TNIK: variants seen among roughly 807,000 people sequenced by gnomAD.
TNIK encodes the protein TRAF2 and NCK-interacting protein kinase.
In TNIK, 49 loss-of-function variants were observed where a neutral mutation model predicts 191.3. The observed-to-expected ratio is 0.26, with a 90% CI of 0.20 to 0.32. The LOEUF (loss-of-function observed/expected upper bound fraction) is 0.32. Among genes scored for constraint, TNIK ranks in the 10% least tolerant of loss-of-function variants. The pLI is 1.00. For synonymous variants in TNIK, 594 were observed against 600.9 expected, an observed-to-expected ratio of 0.99 and a Z score of 0.17; for missense variants, 1,155 against 1,702.3, an observed-to-expected ratio of 0.68 and a Z score of 5.66.
intron 18 of TNIK, among the ~76,000 whole-genome samples, chr3:171,116,611 A>C (rs1052895022): frequency 6.6e-6 from 1 of 152,252 alleles, no homozygotes; most frequent in East Asian, 1.9e-4. Flanking sequence ...ACAGCCAATG[A>C]GAAGAAATGA....
chr3:171,383,365 G>A (rs1718317200), intron 1 of TNIK, among the ~76,000 whole-genome samples: 2 of 152,166 alleles, frequency 1.3e-5, no homozygotes, highest in Non-Finnish European at 2.9e-5. Flanking sequence ...CTCAAAACCT[G>A]CTTTTTGAGC....
intron 18 of TNIK, among the ~76,000 whole-genome samples, chr3:171,120,024 G>A (rs1727416381): frequency 6.6e-6 from 1 of 152,176 alleles, no homozygotes; most frequent in Admixed American, 6.5e-5. Context: ...ATAATAGGGA[G>A]TTATTTGGGG....
intron 1 of TNIK, among the ~76,000 whole-genome samples, chr3:171,408,264 T>TC (rs1362886304): frequency 2.6e-5 from 4 of 152,242 alleles, no homozygotes; most frequent in South Asian, 2.1e-4. Context: ...GGCTTTTTTT[T>TC]CCCCCGCTCA....
intron 7 of TNIK, among the ~76,000 whole-genome samples, chr3:171,187,436 G>C (rs1329745376): frequency 6.6e-6 from 1 of 152,130 alleles, no homozygotes; most frequent in Non-Finnish European, 1.5e-5. Flanking sequence ...CTTCAAGCTT[G>C]CAATTCCCAA....
intron 2 of TNIK, among the ~76,000 whole-genome samples, chr3:171,247,197 C>T (rs994389367): frequency 6.6e-6 from 1 of 152,220 alleles, no homozygotes; most frequent in Non-Finnish European, 1.5e-5. Context: ...TCACCATCTT[C>T]CCCACTCCTT....
intron 2 of TNIK, among the ~76,000 whole-genome samples, chr3:171,332,132 TCTAA>T (rs781538728): frequency 8.5e-5 from 13 of 152,222 alleles, no homozygotes; most frequent in South Asian, 2.1e-4. Context: ...CATACCTATA[TCTAA>T]CTGTGTGTAT....
chr3:171,307,872 G>C (rs1405408510), intron 2 of TNIK, among the ~76,000 whole-genome samples: 1 of 152,066 alleles, frequency 6.6e-6, no homozygotes, highest in African/African-American at 2.4e-5. Flanking sequence ...ATTGTACAGT[G>C]AAATTTTCCA....
chr3:171,214,859 C>T (rs971434030), intron 3 of TNIK, among the ~76,000 whole-genome samples: 1 of 152,032 alleles, frequency 6.6e-6, no homozygotes, highest in African/African-American at 2.4e-5. Context: ...TGATTAAGTG[C>T]TTATTTAAAT....
At chr3:171,275,749 T>A (rs1459036447) in intron 2 of TNIK, among the ~76,000 whole-genome samples, 1 of 151,606 alleles carries the variant, frequency 6.6e-6, no homozygotes, top group Admixed American at 6.6e-5. Flanking sequence ...ACAAAAAAAT[T>A]AGCCGGGCGT....
intron 18 of TNIK, 85 bp from the exon 19 acceptor site, chr3:171,110,962 A>C (rs1725767685): frequency 7.5e-7 from 1 of 1,340,968 alleles, no homozygotes; most frequent in Admixed American, 3.0e-5. Flanking sequence ...TTTAATACCC[A>C]AAATATGTAA....
intron 18 of TNIK, among the ~76,000 whole-genome samples, chr3:171,122,592 T>A (rs190906299): frequency 1.3e-5 from 2 of 152,356 alleles, no homozygotes; most frequent in Non-Finnish European, 2.9e-5. Context: ...CCCTAAGGCT[T>A]TTCATGTGAA....
At chr3:171,389,405 C>T (rs551910708) in intron 1 of TNIK, among the ~76,000 whole-genome samples, 5 of 152,222 alleles carry the variant, frequency 3.3e-5, no homozygotes, top group African/African-American at 4.8e-5. Flanking sequence ...AAATATTTTC[C>T]GAGTGCCTGC....
chr3:171,061,802 G>C lies in TNIK; in HGVS notation c.*2079C>G, dbSNP rs1560057105. 6.6e-6 allele frequency: 1 copy of C among 152,152 alleles called. No homozygotes were observed. The highest frequency in any genetic ancestry group is 6.5e-5 in the Admixed American group (1 of 15,278). 9.4% of individuals were successfully genotyped at this position (152,152 alleles called of 1,614,324 possible). Reference sequence around the variant, plus strand: ...AATCCAAAAAGTTATTGCTGAATTTGTGGCATGGAATTTGAGAAGATAGTA... The same window carrying C: ...AATCCAAAAAGTTATTGCTGAATTTCTGGCATGGAATTTGAGAAGATAGTA... On this transcript the variant is annotated 3_prime_UTR_variant, in exon 33 of 33. Transcript: ENST00000436636.
chr3:171,148,642 A>C (rs1458721276), intron 12 of TNIK, among the ~76,000 whole-genome samples: 1 of 152,198 alleles, frequency 6.6e-6, no homozygotes, highest in African/African-American at 2.4e-5. Context: ...GGGCCACTCC[A>C]GTACTCCCGA....
chr3:171,408,898 C>T (rs370969062), intron 1 of TNIK, among the ~76,000 whole-genome samples: 22 of 152,216 alleles, frequency 1.4e-4, no homozygotes, highest in African/African-American at 4.3e-4. Context: ...TAGTGCCAAT[C>T]GGTACACCTC....
intron 2 of TNIK, among the ~76,000 whole-genome samples, chr3:171,285,996 A>G (rs1341850820): frequency 8.8e-5 from 13 of 148,460 alleles, no homozygotes. Flanking sequence ...AGGAGGATAC[A>G]GCCTTATCCT....
chr3:171,217,067 C>T (rs2108936973), intron 3 of TNIK, among the ~76,000 whole-genome samples: 1 of 152,168 alleles, frequency 6.6e-6, no homozygotes, highest in South Asian at 2.1e-4. Context: ...CAAAAGCAAA[C>T]AAATCATTCT....
intron 2 of TNIK, among the ~76,000 whole-genome samples, chr3:171,291,146 AAC>A (rs2108235672): frequency 6.6e-6 from 1 of 152,272 alleles, no homozygotes; most frequent in East Asian, 1.9e-4. Context: ...ATATTCCATT[AAC>A]ACATCCTCCC....
chr3:171,304,246 G>A (rs552651466), intron 2 of TNIK, among the ~76,000 whole-genome samples: 1 of 152,150 alleles, frequency 6.6e-6, no homozygotes, highest in Non-Finnish European at 1.5e-5. Flanking sequence ...CAGAGGAGGA[G>A]CCATGGTGAT....
Sources: allele counts gnomAD v4.1 joint callset (sites outside exome capture counted in the v4.1 genomes callset), GRCh38; gene constraint gnomAD v4.1.1; transcripts MANE v1.5; gene names NCBI Gene and HGNC (gene_info 2026-07-23, HGNC 2026-07-21).